Variants in CNTN3 observed in about 807,000 individuals in gnomAD.
CNTN3 encodes contactin-3.
CNTN3 carries 60 observed loss-of-function variants against 119.1 expected under a neutral mutation model. That is an observed-to-expected ratio of 0.50 (90% CI 0.41 to 0.62). CNTN3 has a LOEUF of 0.62. CNTN3 is among the 20% of genes least tolerant of loss of function. The probability of loss-of-function intolerance (pLI) is 0.00; values close to 1 mark genes in which losing one functional copy is unlikely to be tolerated. For synonymous variants in CNTN3, 450 were observed against 438.7 expected, an observed-to-expected ratio of 1.03 and a Z score of -0.32; for missense variants, 1,101 against 1,242.4, an observed-to-expected ratio of 0.89 and a Z score of 1.71.
At chr3:74,438,237 G>T (rs1701904328) in intron 4 of CNTN3, among the ~76,000 whole-genome samples, 1 of 152,164 alleles carries the variant, frequency 6.6e-6, no homozygotes, top group Admixed American at 6.5e-5. Context: ...CAAAGAATTT[G>T]CAGTTAGACT....
intron 5 of CNTN3, among the ~76,000 whole-genome samples, chr3:74,418,725 T>C (rs1389814188): frequency 7.2e-5 from 11 of 152,262 alleles, no homozygotes; most frequent in Admixed American, 6.5e-5. Context: ...TACCTATACA[T>C]ACATTCTTGA....
intron 3 of CNTN3, 126 bp downstream of exon 3, chr3:74,499,533 C>T: frequency 1.3e-6 from 1 of 778,798 alleles, no homozygotes; most frequent in East Asian, 2.8e-5. Flanking sequence ...ATATATCATA[C>T]AACTATAGCT....
chr3:74,506,672 T>C (rs1175077310), intron 2 of CNTN3, among the ~76,000 whole-genome samples: 5 of 151,688 alleles, frequency 3.3e-5, no homozygotes, highest in Non-Finnish European at 7.4e-5. Flanking sequence ...TAGAATGCCA[T>C]TGTTGGATGC....
chr3:74,280,186 T>TA (rs553629299), intron 20 of CNTN3, among the ~76,000 whole-genome samples: 9 of 150,914 alleles, frequency 6.0e-5, no homozygotes, highest in African/African-American at 9.7e-5. Flanking sequence ...AAAGTTGAAT[T>TA]AAAAAAAAAG....
chr3:74,336,605 T>TGACTA lies in CNTN3; in HGVS notation c.1417_1418insTAGTC (p.Asp473ValfsTer32). The TGACTA allele has an allele frequency of 6.2e-7, 1 of 1,612,396 alleles. No individual in the cohort carries two copies. Among genetic ancestry groups the TGACTA allele is most frequent in the Non-Finnish European group, 8.5e-7 (1 of 1,178,794 alleles). On this transcript the variant is annotated frameshift_variant, in exon 12 of 23. Coordinates refer to ENST00000263665, the MANE Select transcript of CNTN3 (RefSeq NM_020872.3). LOFTEE classifies it high-confidence loss of function. ...TGCCATGCAGGTGTAAGTTCCAGCA[T>TGACTA]CAGCTTTAGTCACATTGGCTATTTT...
At chr3:74,584,162 A>AT (rs1704557647) in intron 1 of CNTN3, among the ~76,000 whole-genome samples, 1 of 152,116 alleles carries the variant, frequency 6.6e-6, no homozygotes, top group South Asian at 2.1e-4. Flanking sequence ...ATTACATGTG[A>AT]TTTTTTTATT....
At chr3:74,361,113 A>G (rs1321856029) in intron 11 of CNTN3, among the ~76,000 whole-genome samples, 1 of 152,034 alleles carries the variant, frequency 6.6e-6, no homozygotes, top group Non-Finnish European at 1.5e-5. Context: ...AACACTCAAT[A>G]AACTGTAATA....
chr3:74,595,593 T>C (rs941374557), intron 1 of CNTN3, among the ~76,000 whole-genome samples: 8 of 152,136 alleles, frequency 5.3e-5, no homozygotes, highest in Admixed American at 3.3e-4. Flanking sequence ...AAAAACCACA[T>C]GATTATCTCA....
intron 4 of CNTN3, among the ~76,000 whole-genome samples, chr3:74,466,441 T>G (rs1702461846): frequency 6.6e-6 from 1 of 152,178 alleles, no homozygotes; most frequent in Non-Finnish European, 1.5e-5. Flanking sequence ...TAATGAAATT[T>G]ATATCGATTC....
At chr3:74,352,405 G>A (rs950049783) in intron 11 of CNTN3, among the ~76,000 whole-genome samples, 6 of 152,214 alleles carry the variant, frequency 3.9e-5, no homozygotes, top group Admixed American at 2.0e-4. Flanking sequence ...AGGATGGAAT[G>A]TCCAGTGTGC....
chr3:74,416,861 G>A (rs904670469), intron 5 of CNTN3, among the ~76,000 whole-genome samples: 1 of 151,936 alleles, frequency 6.6e-6, no homozygotes, highest in Non-Finnish European at 1.5e-5. Flanking sequence ...GGTGGCGTGT[G>A]GCTATAGTCC....
chr3:74,424,233 A>G (rs999978845), intron 5 of CNTN3, among the ~76,000 whole-genome samples: 2 of 152,114 alleles, frequency 1.3e-5, no homozygotes, highest in African/African-American at 2.4e-5. Flanking sequence ...AATTATTTTC[A>G]TATGTGCTGA....
At chr3:74,307,483 G>C (rs1702588740) in intron 13 of CNTN3, among the ~76,000 whole-genome samples, 1 of 152,062 alleles carries the variant, frequency 6.6e-6, no homozygotes, top group East Asian at 1.9e-4. Context: ...TAAATGCTAA[G>C]GGAAAAGCCA....
rs9810136 is a variant in CNTN3 at position 74,327,672 on chromosome 3, G to A, written c.1668+7063C>T. 3.1e-3 allele frequency among the ~76,000 whole-genome samples: 470 copies of A among 152,172 alleles called. 4 individuals are homozygous for A. The highest frequency in any genetic ancestry group is 0.011 in the African/African-American group (456 of 41,546). On this transcript the variant is annotated intron_variant, in intron 13 of 22. Transcript: ENST00000263665. ...AAAATTTGAGAAACAAAAATTACCAGTAAAATTATCTAGCCCTAAAATCCT... is the reference window on the plus strand; with the variant it reads ...AAAATTTGAGAAACAAAAATTACCAATAAAATTATCTAGCCCTAAAATCCT...
intron 4 of CNTN3, among the ~76,000 whole-genome samples, chr3:74,462,857 T>G (rs553287677): frequency 1.3e-5 from 2 of 152,162 alleles, no homozygotes; most frequent in Admixed American, 6.6e-5. Flanking sequence ...GACCTACATG[T>G]TTTTGAAATG....
chr3:74,466,504 G>C (rs1357110046), intron 4 of CNTN3, among the ~76,000 whole-genome samples: 1 of 151,986 alleles, frequency 6.6e-6, no homozygotes, highest in African/African-American at 2.4e-5. Flanking sequence ...TAACTGTTTT[G>C]GTGTTAGAAA....
At chr3:74,471,168 G>C (rs902498771) in intron 4 of CNTN3, among the ~76,000 whole-genome samples, 5 of 152,028 alleles carry the variant, frequency 3.3e-5, no homozygotes, top group African/African-American at 1.2e-4. Flanking sequence ...ACACAGGGAG[G>C]GGAACATCAC....
At chr3:74,289,321 C>T (rs182892662) in intron 19 of CNTN3, among the ~76,000 whole-genome samples, 21 of 152,270 alleles carry the variant, frequency 1.4e-4, no homozygotes, top group African/African-American at 4.1e-4. Context: ...CCTTTCAATA[C>T]TGTATTCATG....
intron 1 of CNTN3, among the ~76,000 whole-genome samples, chr3:74,558,763 CAT>C (rs1421052883): frequency 2.0e-5 from 3 of 152,082 alleles, no homozygotes; most frequent in African/African-American, 7.2e-5. Context: ...AGGCAAATCA[CAT>C]GAGGCCAGGA....
Sources: allele counts gnomAD v4.1 joint callset (sites outside exome capture counted in the v4.1 genomes callset), GRCh38; gene constraint gnomAD v4.1.1; transcripts MANE v1.5; gene names NCBI Gene and HGNC (gene_info 2026-07-23, HGNC 2026-07-21).